PTPRK: variants seen among roughly 807,000 people sequenced by gnomAD.
PTPRK encodes protein tyrosine phosphatase receptor type K.
In PTPRK, 75 loss-of-function variants were observed where a neutral mutation model predicts 178.0. The observed-to-expected ratio is 0.42, with a 90% CI of 0.35 to 0.51. The LOEUF (loss-of-function observed/expected upper bound fraction) is 0.51, where lower values mean the gene tolerates loss of function less well. Among genes scored for constraint, PTPRK ranks in the 20% least tolerant of loss-of-function variants. PTPRK has a pLI of 0.02. For missense variants in PTPRK, 1,441 were observed against 1,797.8 expected, an observed-to-expected ratio of 0.80 and a Z score of 3.59; for synonymous variants, 637 against 620.6, an observed-to-expected ratio of 1.03 and a Z score of -0.39.
intron 1 of PTPRK, among the ~76,000 whole-genome samples, chr6:128,456,531 G>A (rs1318765785): frequency 6.7e-6 from 1 of 150,058 alleles, no homozygotes; most frequent in Non-Finnish European, 1.5e-5. Context: ...AAAAAGGAAG[G>A]CAAAGTACCA....
At chr6:128,200,226 C>T (rs1355716289) in intron 6 of PTPRK, among the ~76,000 whole-genome samples, 3 of 152,116 alleles carry the variant, frequency 2.0e-5, no homozygotes, top group Non-Finnish European at 4.4e-5. Flanking sequence ...CTCTGCATTG[C>T]CACTGTTAGT....
intron 7 of PTPRK, among the ~76,000 whole-genome samples, chr6:128,131,922 CT>C (rs1794306795): frequency 6.6e-6 from 1 of 152,088 alleles, no homozygotes; most frequent in African/African-American, 2.4e-5. Flanking sequence ...AAATATCATA[CT>C]GGTTAATAGT....
At chr6:128,436,507 C>A (rs1845619031) in intron 1 of PTPRK, among the ~76,000 whole-genome samples, 1 of 152,108 alleles carries the variant, frequency 6.6e-6, no homozygotes, top group Admixed American at 6.5e-5. Flanking sequence ...TATATACTGA[C>A]ACTAATTTCA....
chr6:128,478,832 GC>G (rs1223448316), intron 1 of PTPRK, among the ~76,000 whole-genome samples: 1 of 152,082 alleles, frequency 6.6e-6, no homozygotes, highest in African/African-American at 2.4e-5. Flanking sequence ...AAGATATATT[GC>G]TAGGAAATAA....
intron 5 of PTPRK, among the ~76,000 whole-genome samples, chr6:128,229,323 C>T (rs1328752217): frequency 6.6e-6 from 1 of 152,054 alleles, no homozygotes; most frequent in East Asian, 1.9e-4. Context: ...CCAAGAATAT[C>T]GGTGTGGAAA....
intron 7 of PTPRK, among the ~76,000 whole-genome samples, chr6:128,170,540 A>C (rs2114642850): frequency 6.6e-6 from 1 of 152,120 alleles, no homozygotes. Flanking sequence ...ATGCAAACAG[A>C]TCTTACCTGG....
At chr6:128,246,334 AC>A (rs1815448490) in intron 3 of PTPRK, among the ~76,000 whole-genome samples, 3 of 152,012 alleles carry the variant, frequency 2.0e-5, no homozygotes, top group Admixed American at 2.0e-4. Flanking sequence ...AGATTACTAC[AC>A]CCCTGAGAAA....
intron 2 of PTPRK, among the ~76,000 whole-genome samples, chr6:128,354,719 T>C (rs573069290): frequency 6.6e-6 from 1 of 152,342 alleles, no homozygotes; most frequent in East Asian, 1.9e-4. Flanking sequence ...CTTATGACAG[T>C]ATGAGGGCAC....
intron 7 of PTPRK, among the ~76,000 whole-genome samples, chr6:128,166,169 G>C (rs1799365824): frequency 6.6e-6 from 1 of 151,604 alleles, no homozygotes; most frequent in South Asian, 2.1e-4. Context: ...CACAAGGATT[G>C]CCTGAAGGTT....
chr6:128,129,604 T>A lies in PTPRK; in HGVS notation c.1163-39612A>T, dbSNP rs902951239. Among the ~76,000 whole-genome samples, 7 of 152,218 alleles carry A rather than the reference T, an allele frequency of 4.6e-5. No homozygotes were observed. In the East Asian group the frequency reaches 1.4e-3, roughly 29 times the overall value. Reference sequence around the variant, plus strand: ...GAAGAGAATAAGAAATGCCATCACTTTTCTGAGATACAGGAGTCAAGCAAA... The same window carrying A: ...GAAGAGAATAAGAAATGCCATCACTATTCTGAGATACAGGAGTCAAGCAAA... On this transcript the variant is annotated intron_variant, in intron 7 of 29. Coordinates refer to ENST00000368226, the MANE Select transcript of PTPRK (RefSeq NM_002844.4).
intron 8 of PTPRK, among the ~76,000 whole-genome samples, chr6:128,088,975 T>C (rs1295096536): frequency 6.6e-6 from 1 of 152,230 alleles, no homozygotes; most frequent in Non-Finnish European, 1.5e-5. Flanking sequence ...TTTCCTTTTT[T>C]CCTTGAGACG....
intron 3 of PTPRK, among the ~76,000 whole-genome samples, chr6:128,293,178 C>A (rs1485094839): frequency 6.6e-6 from 1 of 152,004 alleles, no homozygotes; most frequent in Non-Finnish European, 1.5e-5. Context: ...TCATAGTTCA[C>A]TTTATGCTGC....
chr6:128,278,147 ATTTATTTAT>A (rs1041667560), intron 3 of PTPRK, among the ~76,000 whole-genome samples: 1 of 149,666 alleles, frequency 6.7e-6, no homozygotes, highest in African/African-American at 2.4e-5. Flanking sequence ...TTATTTATTT[ATTTATTTAT>A]TTATTTATTT....
intron 1 of PTPRK, among the ~76,000 whole-genome samples, chr6:128,403,761 A>G (rs1481735129): frequency 6.6e-6 from 1 of 152,216 alleles, no homozygotes; most frequent in Non-Finnish European, 1.5e-5. Context: ...ATATTACCAT[A>G]TTGCCAAAAC....
At chr6:127,974,635 T>C (rs978262541) in intron 27 of PTPRK, among the ~76,000 whole-genome samples, 5 of 152,190 alleles carry the variant, frequency 3.3e-5, no homozygotes, top group Admixed American at 6.5e-5. Flanking sequence ...TTGGCTTAAA[T>C]ACTACTATCG....
At chr6:128,466,927 C>G (rs1445907519) in intron 1 of PTPRK, among the ~76,000 whole-genome samples, 2 of 152,052 alleles carry the variant, frequency 1.3e-5, no homozygotes, top group Admixed American at 1.3e-4. Flanking sequence ...CTAAAAATAA[C>G]AAAAGAAGCT....
rs796616764 is a variant in PTPRK, at chr6:128,277,210, C to T, written c.496-34608G>A. Among the ~76,000 whole-genome samples the T allele has an allele frequency of 1.1e-4, 16 of 151,998 alleles. 1 individual carries two copies. Among genetic ancestry groups the T allele is most frequent in the African/African-American group, 3.9e-4 (16 of 41,500 alleles). ...AATAAAACAAACATTGAACGTTTAACTTGGAGCTAAGCTTATAAAAACTAC... is the reference window on the plus strand; with the variant it reads ...AATAAAACAAACATTGAACGTTTAATTTGGAGCTAAGCTTATAAAAACTAC... On this transcript the variant is annotated intron_variant, in intron 3 of 29. Transcript: ENST00000368226.
At position 128,509,029 on chromosome 6, in the gene PTPRK, T is replaced by C. The variant is rs533049577; in HGVS notation, c.100+11230A>G. Among the ~76,000 whole-genome samples the C allele has an allele frequency of 5.3e-5, 8 of 152,104 alleles. No homozygotes were observed. The South Asian group carries it at 8.3e-4, about 16-fold the overall frequency. On this transcript the variant is annotated intron_variant, in intron 1 of 29. Coordinates refer to ENST00000368226, the MANE Select transcript of PTPRK (RefSeq NM_002844.4). ...CTTTTAAATTACACACCCTTCTGAG[T>C]GGCGTGATGAAATCACATGCTGTCT...
intron 4 of PTPRK, among the ~76,000 whole-genome samples, chr6:128,242,222 A>G (rs1814597502): frequency 6.6e-6 from 1 of 152,112 alleles, no homozygotes; most frequent in African/African-American, 2.4e-5. Context: ...CAATTTAATG[A>G]TGCCAAAAAA....
Sources: allele counts gnomAD v4.1 joint callset (sites outside exome capture counted in the v4.1 genomes callset), GRCh38; gene constraint gnomAD v4.1.1; transcripts MANE v1.5; gene names NCBI Gene and HGNC (gene_info 2026-07-23, HGNC 2026-07-21).